N4BP2: variants seen among roughly 807,000 people sequenced by gnomAD.
N4BP2 encodes NEDD4-binding protein 2.
Under a neutral mutation model 152.8 loss-of-function variants are expected in N4BP2, and 91 were observed. The ratio of observed to expected loss-of-function variants is 0.60; its 90% CI spans 0.50 to 0.71. The LOEUF is 0.71. Ranked by LOEUF, N4BP2 falls within the 30% of genes least tolerant of loss-of-function variation. The pLI is 0.00. For synonymous variants in N4BP2, 646 were observed against 705.3 expected (o/e 0.92, Z 1.33); for missense variants, 1,923 against 2,059.1 (o/e 0.93, Z 1.28).
intron 1 of N4BP2, among the ~76,000 whole-genome samples, chr4:40,063,069 A>G (rs751493365): frequency 2.0e-5 from 3 of 152,222 alleles, no homozygotes; most frequent in African/African-American, 4.8e-5. Context: ...TATTTGATAG[A>G]TGAAAGTTTT....
chr4:40,188,747 A>T, the N4BP2 span, among the ~76,000 whole-genome samples: 1 of 55,430 alleles, frequency 1.8e-5, no homozygotes, highest in African/African-American at 1.4e-4. Flanking sequence ...TCCATCTCAA[A>T]AAAAAAAAAA....
chr4:40,118,413 CAA>C lies in N4BP2; in HGVS notation c.1820+390_1820+391del, dbSNP rs564799117. The stretch of plus-strand genomic sequence containing the variant: ...CGCCATTGCATTCCACCCTGGGCAA[CAA>C]GAGCAAAACTCCATTTCAAAAAATA... On this transcript the variant is annotated intron_variant, in intron 8 of 17. Transcript: ENST00000261435. Among the ~76,000 whole-genome samples the C allele has an allele frequency of 3.5e-3, 539 of 152,132 alleles. 1 individual carries two copies. Among genetic ancestry groups the C allele is most frequent in the Middle Eastern group, 0.01 (3 of 294 alleles).
chr4:40,174,235 G>A, the N4BP2 span, among the ~76,000 whole-genome samples: 10 of 151,846 alleles, frequency 6.6e-5, no homozygotes, highest in African/African-American at 1.7e-4. Flanking sequence ...AAATTAACCC[G>A]ATGTGGTAGT....
At chr4:40,167,919 G>A in the N4BP2 span, 3 of 152,142 alleles carry the variant, frequency 2.0e-5, no homozygotes, top group African/African-American at 4.8e-5. Context: ...AAGGGAGGAA[G>A]AAGTAAAAAC....
At chr4:40,139,828 CTTT>C (rs1209677713) in intron 14 of N4BP2, among the ~76,000 whole-genome samples, 1 of 97,826 alleles carries the variant, frequency 1.0e-5, no homozygotes. Flanking sequence ...ATTTTTTTTT[CTTT>C]TTTTTTTTTT....
chr4:40,158,915 G>A (rs551563934), downstream of N4BP2, among the ~76,000 whole-genome samples: 16 of 152,228 alleles, frequency 1.1e-4, no homozygotes, highest in Admixed American at 5.2e-4. Flanking sequence ...TAGAGCACTC[G>A]TTACTGGGGT....
intron 16 of N4BP2, among the ~76,000 whole-genome samples, 183 bp from the exon 17 acceptor site, chr4:40,152,597 C>T (rs143000186): frequency 6.6e-4 from 100 of 152,278 alleles, no homozygotes; most frequent in African/African-American, 2.3e-3. Flanking sequence ...AAACATACAT[C>T]TTAAAACATT....
At chr4:40,057,602 C>T (rs1355399893) in intron 1 of N4BP2, among the ~76,000 whole-genome samples, 1 of 152,108 alleles carries the variant, frequency 6.6e-6, no homozygotes, top group African/African-American at 2.4e-5. Flanking sequence ...CTTTGGCCCT[C>T]GTCCCGCCTC....
intron 2 of N4BP2, among the ~76,000 whole-genome samples, chr4:40,096,619 G>A (rs1193089952): frequency 1.3e-5 from 2 of 152,152 alleles, no homozygotes; most frequent in African/African-American, 2.4e-5. Context: ...AGACTGAAGC[G>A]GCAAGGGTGG....
intron 14 of N4BP2, chr4:40,142,394 C>T (rs1175734552): frequency 5.6e-5 from 18 of 319,846 alleles, no homozygotes; most frequent in South Asian, 3.5e-4. Context: ...TCTTCCAACT[C>T]GGAGTTCAGT....
In N4BP2 at chr4:40,122,028, C is replaced by T. The variant is rs764848877; in HGVS notation, c.3917C>T (p.Thr1306Ile). 1 of 1,539,276 alleles carries T rather than the reference C, an allele frequency of 6.5e-7. No individual in the cohort carries two copies. The highest frequency in any genetic ancestry group is 8.8e-7 in the Non-Finnish European group (1 of 1,138,588). The change falls in exon 9 of 18, where the codon ACT (threonine) becomes ATT (isoleucine). Residue 1306 changes from threonine (T) to isoleucine (I), a missense_variant. By Grantham distance (89) the Thr-to-Ile change is moderately conservative. Transcript: ENST00000261435. ...NLELNEEIYF[T>I]DSLEIKRNEN... ...GAATTAAATGAAGAAATTTATTTTA[C>T]TGATTCTCTTGAAATAAAGAGAAAT...
At chr4:40,177,597 C>G in the N4BP2 span, among the ~76,000 whole-genome samples, 1 of 151,856 alleles carries the variant, frequency 6.6e-6, no homozygotes, top group Non-Finnish European at 1.5e-5. Context: ...GCCTGGGTGA[C>G]AGAGCAAGAC....
chr4:40,090,614 T>C (rs954223946), intron 2 of N4BP2, among the ~76,000 whole-genome samples: 2 of 152,048 alleles, frequency 1.3e-5, no homozygotes, highest in Admixed American at 6.6e-5. Flanking sequence ...AGGAAAAAAA[T>C]TGGTTATGTA....
chr4:40,120,319 C>G lies in N4BP2; in HGVS notation c.2208C>G (p.Asp736Glu), dbSNP rs140180468. 3.7e-5 allele frequency: 60 copies of G among 1,612,730 alleles called. No homozygotes were observed. In the African/African-American group the frequency reaches 7.9e-4, roughly 21 times the overall value. Residue 736 changes from aspartate (D) to glutamate (E), a missense_variant, in exon 9 of 18, where the codon GAC becomes GAG. Transcript: ENST00000261435. ...GCTGTAGTGAAAATAATCAAGAAGA[C>G]TGTGATCTTGCAAATAGTGGACCAC... ...STCCSENNQEDCDLANSGPLQ... is the reference protein window; with the variant it reads ...STCCSENNQEECDLANSGPLQ...
chr4:40,127,079 G>C (rs1718474483), intron 12 of N4BP2, among the ~76,000 whole-genome samples: 1 of 151,168 alleles, frequency 6.6e-6, no homozygotes, highest in African/African-American at 2.4e-5. Flanking sequence ...TTATTATAGA[G>C]ACAGTTTTGC....
chr4:40,083,512 G>A (rs569042457), intron 2 of N4BP2, among the ~76,000 whole-genome samples: 1 of 152,300 alleles, frequency 6.6e-6, no homozygotes, highest in South Asian at 2.1e-4. Context: ...TATCGGTGAA[G>A]TACCAATACA....
the N4BP2 span, among the ~76,000 whole-genome samples, chr4:40,177,552 A>G: frequency 6.6e-6 from 1 of 151,876 alleles, no homozygotes; most frequent in Non-Finnish European, 1.5e-5. Context: ...GGAGGCAGAG[A>G]TTGCAGTGAG....
At chr4:40,078,236 C>G (rs1712976081) in intron 2 of N4BP2, among the ~76,000 whole-genome samples, 1 of 151,638 alleles carries the variant, frequency 6.6e-6, no homozygotes, top group East Asian at 1.9e-4. Flanking sequence ...CTCCTGGTTT[C>G]AAGAGATTCT....
intron 4 of N4BP2, among the ~76,000 whole-genome samples, chr4:40,106,163 T>C (rs1270626850): frequency 6.6e-6 from 1 of 152,236 alleles, no homozygotes; most frequent in African/African-American, 2.4e-5. Flanking sequence ...GGATAAAAGG[T>C]CTTTGTAACA....
Sources: allele counts gnomAD v4.1 joint callset (sites outside exome capture counted in the v4.1 genomes callset), GRCh38; gene constraint gnomAD v4.1.1; transcripts MANE v1.5; gene names NCBI Gene and HGNC (gene_info 2026-07-23, HGNC 2026-07-21).